VEPH1: variants seen among roughly 807,000 people sequenced by gnomAD.
The protein encoded by VEPH1 is ventricular zone-expressed PH domain-containing protein homolog 1.
In VEPH1, 80 loss-of-function variants were observed where a neutral mutation model predicts 85.2. The observed-to-expected ratio is 0.94, with a 90% CI of 0.78 to 1.13. The LOEUF is 1.13. VEPH1 is among the 50% of genes most tolerant of loss of function. VEPH1 has a pLI of 0.00. For synonymous variants in VEPH1, 297 were observed against 348.0 expected (o/e 0.85, Z 1.63); for missense variants, 955 against 980.5 (o/e 0.97, Z 0.35).
chr3:157,437,783 T>A (rs945858291), intron 4 of VEPH1: 32 of 1,472,894 alleles, frequency 2.2e-5, no homozygotes, highest in Non-Finnish European at 2.6e-5. Context: ...CTGGCGCGTA[T>A]GGAGGGCGCG....
intron 4 of VEPH1, chr3:157,437,514 C>G (rs1315239995): frequency 1.1e-5 from 18 of 1,604,214 alleles, no homozygotes; most frequent in Admixed American, 1.7e-5. Context: ...GTACTCTAGC[C>G]ACGCCGTGCG....
At chr3:157,412,951 C>A (rs1314420433) in intron 6 of VEPH1, among the ~76,000 whole-genome samples, 1 of 152,142 alleles carries the variant, frequency 6.6e-6, no homozygotes, top group African/African-American at 2.4e-5. Flanking sequence ...CTGGGTTACT[C>A]ACTCAATCTG....
intron 12 of VEPH1, among the ~76,000 whole-genome samples, chr3:157,275,817 A>G (rs941216784): frequency 6.6e-6 from 1 of 151,984 alleles, no homozygotes; most frequent in African/African-American, 2.4e-5. Context: ...TAAAGTTTCA[A>G]ATTTACTTCA....
chr3:157,447,474 G>C (rs1397363705), intron 4 of VEPH1, among the ~76,000 whole-genome samples: 1 of 151,790 alleles, frequency 6.6e-6, no homozygotes, highest in Non-Finnish European at 1.5e-5. Context: ...CCAACAACTT[G>C]TTTTATGGTG....
chr3:157,403,183 C>T (rs1476244795), intron 6 of VEPH1, among the ~76,000 whole-genome samples: 16 of 151,908 alleles, frequency 1.1e-4, no homozygotes, highest in Admixed American at 1.0e-3. Flanking sequence ...GTGATAATAC[C>T]TCTGTGTCAA....
intron 11 of VEPH1, among the ~76,000 whole-genome samples, chr3:157,308,072 A>G (rs1168496236): frequency 6.6e-6 from 1 of 151,828 alleles, no homozygotes; most frequent in Non-Finnish European, 1.5e-5. Flanking sequence ...GATCTTTTAT[A>G]TAAGTTCTAA....
At chr3:157,456,678 T>C (rs1187578601) in intron 4 of VEPH1, among the ~76,000 whole-genome samples, 2 of 152,162 alleles carry the variant, frequency 1.3e-5, no homozygotes, top group Non-Finnish European at 2.9e-5. Context: ...GATTAGATAG[T>C]TGTAGGTGTG....
intron 3 of VEPH1, among the ~76,000 whole-genome samples, chr3:157,464,830 C>A (rs372044745): frequency 6.6e-6 from 1 of 152,094 alleles, no homozygotes; most frequent in African/African-American, 2.4e-5. Flanking sequence ...AAGTAAGAAC[C>A]ATAAAAAATG....
rs188876490 is a variant in VEPH1, at chr3:157,311,335, A to T, written c.2010+2286T>A. Among the ~76,000 whole-genome samples, 269 of 152,278 alleles carry T rather than the reference A, an allele frequency of 1.8e-3. 2 individuals are homozygous for T. The highest frequency in any genetic ancestry group is 0.017 in the Middle Eastern group (5 of 294). ...CATTTCGCTGCAGTGAAACTCCGTC[A>T]CTGCAGCCGATACACACATGGCCAT... On this transcript the variant is annotated intron_variant, in intron 11 of 13. Coordinates refer to ENST00000362010, the MANE Select transcript of VEPH1 (RefSeq NM_001167912.2).
intron 13 of VEPH1, 103 bp downstream of exon 13, chr3:157,265,423 G>A: frequency 7.7e-7 from 1 of 1,290,398 alleles, no homozygotes; most frequent in Non-Finnish European, 1.1e-6. Context: ...GTGAAATGGA[G>A]ATGGAAAAAT....
Position 157,400,168 on chromosome 3 carries a change from T to C in VEPH1, c.906+13713A>G, listed in dbSNP as rs990383302. On this transcript the variant is annotated intron_variant, in intron 6 of 13. Transcript: ENST00000362010. ...TGGGAGAGTAATAAATCACGCTTAG[T>C]AAAACAAAGCTGTCTGGGCAAAACA... Among the ~76,000 whole-genome samples the C allele has an allele frequency of 2.0e-5, 3 of 152,130 alleles. No homozygotes were observed. In the South Asian group the frequency reaches 6.2e-4, roughly 31 times the overall value.
chr3:157,348,696 C>T (rs78104819), intron 9 of VEPH1, among the ~76,000 whole-genome samples: 2,922 of 152,360 alleles, frequency 0.019, 75 homozygotes, highest in African/African-American at 0.057. Context: ...GGTGCCTCCA[C>T]GCTGCCCTCC....
intron 7 of VEPH1, among the ~76,000 whole-genome samples, chr3:157,371,244 T>C (rs1025475871): frequency 6.6e-6 from 1 of 152,206 alleles, no homozygotes; most frequent in African/African-American, 2.4e-5. Flanking sequence ...AGAACTGGGA[T>C]ATAGAAATGG....
intron 11 of VEPH1, among the ~76,000 whole-genome samples, chr3:157,311,863 G>T (rs535662315): frequency 6.6e-6 from 1 of 152,232 alleles, no homozygotes; most frequent in East Asian, 1.9e-4. Flanking sequence ...AATGTACAAA[G>T]AATTCCATTT....
At chr3:157,487,845 A>G (rs1738793976) in intron 2 of VEPH1, among the ~76,000 whole-genome samples, 1 of 152,168 alleles carries the variant, frequency 6.6e-6, no homozygotes, top group Non-Finnish European at 1.5e-5. Context: ...AGTTGATAAA[A>G]TTAAACAATT....
At chr3:157,305,770 A>C (rs1719447476) in intron 11 of VEPH1, among the ~76,000 whole-genome samples, 2 of 152,180 alleles carry the variant, frequency 1.3e-5, no homozygotes. Context: ...TTGTATTTTA[A>C]AAAATGTGTT....
chr3:157,267,777 A>C (rs776238521), intron 12 of VEPH1, among the ~76,000 whole-genome samples: 12 of 152,186 alleles, frequency 7.9e-5, no homozygotes, highest in African/African-American at 1.9e-4. Flanking sequence ...CAAAAACCAA[A>C]CAAACAAACA....
At position 157,437,041 on chromosome 3, in the gene VEPH1, T is replaced by C. The variant is rs386352354; in HGVS notation, c.530-8553A>G. The C allele has an allele frequency of 2.5e-6, 4 of 1,614,040 alleles. No individual in the cohort carries two copies. Among genetic ancestry groups the C allele is most frequent in the Admixed American group, 1.7e-5 (1 of 60,018 alleles). ...TGAATTTGGACAACGAAATAGACAA[T>C]GGACTCCATCCCACTGAGGACCGTA... On this transcript the variant is annotated intron_variant, in intron 4 of 13. Coordinates refer to ENST00000362010, the MANE Select transcript of VEPH1 (RefSeq NM_001167912.2).
intron 9 of VEPH1, among the ~76,000 whole-genome samples, chr3:157,333,324 G>A (rs1229645182): frequency 6.6e-6 from 1 of 152,108 alleles, no homozygotes; most frequent in Non-Finnish European, 1.5e-5. Flanking sequence ...AAATCCGCCA[G>A]GGGAAGTTCA....
Sources: allele counts gnomAD v4.1 joint callset (sites outside exome capture counted in the v4.1 genomes callset), GRCh38; gene constraint gnomAD v4.1.1; transcripts MANE v1.5; gene names NCBI Gene and HGNC (gene_info 2026-07-23, HGNC 2026-07-21).